The following TTC27 variants were observed in gnomAD, a reference collection of about 807,000 sequenced individuals.
The protein encoded by TTC27 is tetratricopeptide repeat protein 27.
Under a neutral mutation model 115.9 loss-of-function variants are expected in TTC27, and 79 were observed. That is an observed-to-expected ratio of 0.68 (90% CI 0.57 to 0.82). The LOEUF (loss-of-function observed/expected upper bound fraction) is 0.82, where lower values mean the gene tolerates loss of function less well. Among genes scored for constraint, TTC27 ranks in the 40% least tolerant of loss-of-function variants. The pLI, the probability that TTC27 is intolerant of heterozygous loss-of-function variation, is 0.00. For missense variants in TTC27, 1,054 were observed against 993.1 expected (o/e 1.06, Z -0.82); for synonymous variants, 401 against 356.0 (o/e 1.13, Z -1.42).
chr2:32,678,382 A>G (rs965402734), intron 8 of TTC27, among the ~76,000 whole-genome samples: 1 of 151,710 alleles, frequency 6.6e-6, no homozygotes, highest in Non-Finnish European at 1.5e-5. Context: ...CTACATTTGT[A>G]TATAATGCCA....
Position 32,814,962 on chromosome 2 carries a change from A to C in TTC27, c.2308+2347A>C, listed in dbSNP as rs190040000. 1.6e-4 allele frequency among the ~76,000 whole-genome samples: 25 copies of C among 152,304 alleles called. 1 individual carries two copies. The East Asian group carries it at 4.8e-3, about 29-fold the overall frequency. The stretch of plus-strand genomic sequence containing the variant: ...CACATGGTTTACTCCTTGGGTTGCT[A>C]TCATTAAGGTAGCCATGCACTTCAG... On this transcript the variant is annotated intron_variant, in intron 18 of 19. Coordinates refer to ENST00000317907, the MANE Select transcript of TTC27 (RefSeq NM_017735.5).
chr2:32,672,338 A>T lies in TTC27; in HGVS notation c.1006A>T (p.Met336Leu). ...IKLADCEQFQMPDLCAEEIAI... is the reference protein window; with the variant it reads ...IKLADCEQFQLPDLCAEEIAI... ...GTTAGCAGATTGTGAACAGTTCCAG[A>T]TGCCGGATCTGTGTGCTGAAGAGAT... is the stretch of plus-strand genomic sequence containing the variant. Residue 336 changes from methionine to leucine, a missense_variant, in exon 8 of 20, where the codon ATG (methionine) becomes TTG (leucine). Met to Leu is a conservative substitution (Grantham distance 15, BLOSUM62 2). Transcript: ENST00000317907. The T allele has an allele frequency of 6.2e-7, 1 of 1,613,948 alleles. No homozygotes were observed. The highest frequency in any genetic ancestry group is 8.5e-7 in the Non-Finnish European group (1 of 1,179,886).
chr2:32,778,322 A>G (rs1458304306), intron 14 of TTC27, among the ~76,000 whole-genome samples: 1 of 152,120 alleles, frequency 6.6e-6, no homozygotes, highest in African/African-American at 2.4e-5. Context: ...TTTATATTTG[A>G]TAGTTTTATG....
intron 10 of TTC27, among the ~76,000 whole-genome samples, chr2:32,706,523 G>T (rs1234946988): frequency 6.6e-6 from 1 of 152,130 alleles, no homozygotes; most frequent in African/African-American, 2.4e-5. Context: ...CTCTGTCAGA[G>T]AATGCTAATT....
In TTC27 at chr2:32,741,487, C is replaced by CAA. The variant is rs776432388; in HGVS notation, c.1452+4685_1452+4686dup. 6.4e-5 allele frequency among the ~76,000 whole-genome samples: 8 copies of CAA among 125,742 alleles called. No homozygotes were observed. The East Asian group carries it at 1.4e-3, about 21-fold the overall frequency. The allele number at this position is 125,742 out of a possible 152,430, so 82.5% of individuals were successfully genotyped here. A position where few individuals can be genotyped will look rare whatever the true frequency, so the allele number is the denominator to read the frequency against. On this transcript the variant is annotated intron_variant, in intron 12 of 19. Coordinates refer to ENST00000317907, the MANE Select transcript of TTC27 (RefSeq NM_017735.5). Reference sequence around the variant, plus strand: ...TGAAACCCCATCTCTACTAAAAATACAAAAAAAAAAAAAAATTAACCGGAC... The same window carrying CAA: ...TGAAACCCCATCTCTACTAAAAATACAAAAAAAAAAAAAAAAATTAACCGGAC...
In TTC27 at chr2:32,670,030, A is replaced by G. The variant is rs150937143; in HGVS notation, c.940-2242A>G. Among the ~76,000 whole-genome samples, 1,446 of 151,836 alleles carry G rather than the reference A, an allele frequency of 9.5e-3. 13 individuals carry two copies. Among genetic ancestry groups the G allele is most frequent in the Middle Eastern group, 0.027 (8 of 294 alleles). On this transcript the variant is annotated intron_variant, in intron 7 of 19. Coordinates refer to ENST00000317907, the MANE Select transcript of TTC27 (RefSeq NM_017735.5). ...GTAGCTGAGACTACAGCCACATGCC[A>G]CCACGCCCGGATAGTTGTTGTATTT...
chr2:32,786,512 C>G (rs997871365), intron 15 of TTC27, among the ~76,000 whole-genome samples: 1 of 152,098 alleles, frequency 6.6e-6, no homozygotes, highest in African/African-American at 2.4e-5. Flanking sequence ...TTTTTTCTCA[C>G]AGGGTGTAGA....
chr2:32,684,813 G>A (rs1666572978), intron 9 of TTC27, among the ~76,000 whole-genome samples: 1 of 150,118 alleles, frequency 6.7e-6, no homozygotes. Flanking sequence ...CAGTATAGAG[G>A]AACAAGCACA....
intron 12 of TTC27, among the ~76,000 whole-genome samples, chr2:32,743,145 C>G (rs962920733): frequency 2.6e-5 from 4 of 152,112 alleles, no homozygotes; most frequent in Admixed American, 6.5e-5. Context: ...GTTGGTCTGC[C>G]AATTTCCCTT....
At chr2:32,684,193 C>T (rs181480629) in intron 9 of TTC27, among the ~76,000 whole-genome samples, 10 of 152,048 alleles carry the variant, frequency 6.6e-5, no homozygotes, top group South Asian at 2.1e-4. Context: ...TTTGTTCTTG[C>T]GATAGTTTAC....
intron 4 of TTC27, among the ~76,000 whole-genome samples, chr2:32,644,849 C>T (rs1163487301): frequency 5.1e-5 from 4 of 77,828 alleles, no homozygotes; most frequent in Admixed American, 3.3e-4. Context: ...TCCTTCCTTT[C>T]TTCTTTTCTT....
At position 32,736,734 on chromosome 2, in the gene TTC27, G is replaced by C. The variant is rs535351600; in HGVS notation, c.1370G>C (p.Ser457Thr). 14 of 1,613,998 alleles carry C rather than the reference G, an allele frequency of 8.7e-6. No homozygotes were observed. The African/African-American group carries it at 1.6e-4, about 18-fold the overall frequency. Residue 457 changes from serine (S) to threonine (T), a missense_variant, in exon 12 of 20, where the codon AGT becomes ACT. Physicochemically the swap from Ser to Thr is moderately conservative, Grantham distance 58 (BLOSUM62 1). Coordinates refer to ENST00000317907, the MANE Select transcript of TTC27 (RefSeq NM_017735.5). ...TTGCTCTTTGAGTTGGGATGTACCA[G>C]TTCAGCCCTTCAGATATTTGAAAAG... is the stretch of plus-strand genomic sequence containing the variant. ...ASLLFELGCTSSALQIFEKLE... is the reference protein window; with the variant it reads ...ASLLFELGCTTSALQIFEKLE...
chr2:32,685,888 A>G (rs571659217), intron 9 of TTC27, among the ~76,000 whole-genome samples: 111 of 152,328 alleles, frequency 7.3e-4, no homozygotes, highest in African/African-American at 2.5e-3. Flanking sequence ...GAAGAAATAA[A>G]AGGTATATAG....
intron 13 of TTC27, among the ~76,000 whole-genome samples, chr2:32,767,923 A>T (rs1272506246): frequency 6.6e-6 from 1 of 152,218 alleles, no homozygotes; most frequent in Non-Finnish European, 1.5e-5. Context: ...AACAATTTTA[A>T]ATGTGTAAAC....
In TTC27 at chr2:32,809,984, G is replaced by A. The variant is rs1671263412; in HGVS notation, c.1999-1040G>A. On this transcript the variant is annotated intron_variant, in intron 16 of 19. Transcript: ENST00000317907. ...ATACAAAAATTAGCCAGGCATGGTG[G>A]CGCTCACCTGTAGTCCCAGCTACTT... 3.9e-5 allele frequency among the ~76,000 whole-genome samples: 6 copies of A among 152,080 alleles called. No homozygotes were observed. The South Asian group carries it at 1.0e-3, about 26-fold the overall frequency.
intron 9 of TTC27, among the ~76,000 whole-genome samples, chr2:32,687,773 T>TA (rs1329999344): frequency 6.6e-6 from 1 of 152,172 alleles, no homozygotes; most frequent in Non-Finnish European, 1.5e-5. Context: ...TATAAATGTG[T>TA]ATGTATCTAA....
intron 16 of TTC27, among the ~76,000 whole-genome samples, chr2:32,798,713 A>AAAAAAAAAAATAAT (rs1368512271): frequency 6.3e-5 from 9 of 142,348 alleles, no homozygotes; most frequent in African/African-American, 2.2e-4. Context: ...TCAAAAAAAA[A>AAAAAAAAAAATAAT]AATAATAATA....
intron 13 of TTC27, among the ~76,000 whole-genome samples, chr2:32,769,057 G>T (rs934347973): frequency 4.6e-5 from 7 of 152,152 alleles, no homozygotes; most frequent in East Asian, 1.9e-4. Flanking sequence ...TGCAGATGGG[G>T]CTTTTCTGTG....
chr2:32,745,537 A>C (rs560433981), intron 12 of TTC27, among the ~76,000 whole-genome samples: 160 of 152,242 alleles, frequency 1.1e-3, no homozygotes, highest in African/African-American at 3.7e-3. Flanking sequence ...AGGGATGCTG[A>C]GCAGGAAAAA....
Sources: gnomAD v4.1 joint callset for allele counts (sites outside exome capture counted in the v4.1 genomes callset) on GRCh38, gnomAD v4.1.1 for gene constraint, MANE v1.5 for transcripts, NCBI Gene and HGNC (gene_info 2026-07-23, HGNC 2026-07-21) for gene names.